Variants in TLK2 observed in about 807,000 individuals in gnomAD.
TLK2 encodes the protein tousled like kinase 2.
A neutral mutation model predicts 117.3 loss-of-function variants in TLK2; 6 were observed. That is an observed-to-expected ratio of 0.05 (90% CI 0.03 to 0.10). TLK2 has a LOEUF of 0.10. Ranked by LOEUF, TLK2 falls within the 10% of genes least tolerant of loss-of-function variation. The pLI is 1.00. For missense variants in TLK2, 299 were observed against 901.2 expected, an observed-to-expected ratio of 0.33 and a Z score of 8.56; for synonymous variants, 257 against 316.7, an observed-to-expected ratio of 0.81 and a Z score of 2.00.
intron 2 of TLK2, among the ~76,000 whole-genome samples, chr17:62,509,604 A>G (rs527709828): frequency 1.1e-4 from 17 of 152,116 alleles, no homozygotes; most frequent in Non-Finnish European, 4.4e-5. Flanking sequence ...GTGTTTAAAA[A>G]CTCAGTAATA....
At chr17:62,599,426 G>A (rs559556518) in intron 17 of TLK2, among the ~76,000 whole-genome samples, 2 of 152,102 alleles carry the variant, frequency 1.3e-5, no homozygotes, top group Non-Finnish European at 2.9e-5. Context: ...TCGCCCTTTC[G>A]CTGCTCTGTA....
At chr17:62,480,635 A>C (rs1160499991) in intron 1 of TLK2, among the ~76,000 whole-genome samples, 1 of 152,170 alleles carries the variant, frequency 6.6e-6, no homozygotes, top group Non-Finnish European at 1.5e-5. Flanking sequence ...GTGATTTTGC[A>C]GTTATTTGTA....
rs1268296748 is a variant in TLK2 at position 62,553,998 on chromosome 17, A to G, written c.720+243A>G. ...GATTGAATTTATATTGGAGAAATAG[A>G]TATGTGGAGTGTTATATTTCATCTA... On this transcript the variant is annotated intron_variant, in intron 9 of 21. Coordinates refer to ENST00000346027, the MANE Select transcript of TLK2 (RefSeq NM_006852.6). Among the ~76,000 whole-genome samples, 4 of 152,210 alleles carry G rather than the reference A, an allele frequency of 2.6e-5. No individual in the cohort carries two copies. The East Asian group carries it at 7.7e-4, about 29-fold the overall frequency.
chr17:62,530,965 A>G (rs2076700169), intron 6 of TLK2, among the ~76,000 whole-genome samples: 1 of 152,124 alleles, frequency 6.6e-6, no homozygotes, highest in African/African-American at 2.4e-5. Flanking sequence ...CTATTAAGAA[A>G]TCAGCTGTCA....
At chr17:62,478,820 C>T (rs1297622164), upstream of TLK2, among the ~76,000 whole-genome samples, 2 of 149,488 alleles carry the variant, frequency 1.3e-5, no homozygotes, top group African/African-American at 4.9e-5. Context: ...GTGTTTACAC[C>T]GATCACTACT....
At chr17:62,590,943 A>G (rs1446104532) in intron 16 of TLK2, among the ~76,000 whole-genome samples, 3 of 152,206 alleles carry the variant, frequency 2.0e-5, no homozygotes, top group Non-Finnish European at 2.9e-5. Flanking sequence ...GTGATGTGCT[A>G]TTGTATGATT....
chr17:62,533,097 T>C (rs1345420388), intron 6 of TLK2, among the ~76,000 whole-genome samples: 1 of 151,974 alleles, frequency 6.6e-6, no homozygotes, highest in African/African-American at 2.4e-5. Context: ...CCTTTGCATA[T>C]GTCTCTTTTG....
At chr17:62,533,972 T>C (rs1453184062) in intron 6 of TLK2, among the ~76,000 whole-genome samples, 1 of 152,194 alleles carries the variant, frequency 6.6e-6, no homozygotes, top group African/African-American at 2.4e-5. Flanking sequence ...GAAATGCACA[T>C]TAATCACAAC....
At chr17:62,472,961 C>A (rs569421115) in intron 1 of TLK2, among the ~76,000 whole-genome samples, 1 of 152,142 alleles carries the variant, frequency 6.6e-6, no homozygotes, top group Non-Finnish European at 1.5e-5. Flanking sequence ...GGATTTAAGA[C>A]CCCAAATTCA....
intron 10 of TLK2, among the ~76,000 whole-genome samples, chr17:62,564,749 A>G (rs2079610064): frequency 6.6e-6 from 1 of 151,460 alleles, no homozygotes; most frequent in Non-Finnish European, 1.5e-5. Flanking sequence ...CAAACAAAAA[A>G]CCCCACACAC....
At chr17:62,601,504 C>T (rs182421283) in intron 18 of TLK2, among the ~76,000 whole-genome samples, 1 of 152,196 alleles carries the variant, frequency 6.6e-6, no homozygotes, top group Admixed American at 6.5e-5. Context: ...TGTTCTAATA[C>T]AATTCAGATG....
At chr17:62,554,790 A>G (rs2078725521) in intron 9 of TLK2, among the ~76,000 whole-genome samples, 1 of 151,736 alleles carries the variant, frequency 6.6e-6, no homozygotes, top group African/African-American at 2.4e-5. Context: ...AGGTGGGAAG[A>G]TGCTTGAGCC....
intron 6 of TLK2, among the ~76,000 whole-genome samples, chr17:62,533,047 T>C (rs2076849854): frequency 6.6e-6 from 1 of 152,150 alleles, no homozygotes; most frequent in South Asian, 2.1e-4. Flanking sequence ...ATCATATGTT[T>C]AATGGCCTTT....
chr17:62,498,930 A>G (rs1244918399), intron 2 of TLK2, among the ~76,000 whole-genome samples: 3 of 152,156 alleles, frequency 2.0e-5, no homozygotes, highest in East Asian at 1.9e-4. Flanking sequence ...TGGCGCAGTC[A>G]TGGCTCTCTG....
intron 7 of TLK2, among the ~76,000 whole-genome samples, chr17:62,542,958 G>A (rs993490184): frequency 3.3e-5 from 5 of 152,126 alleles, no homozygotes; most frequent in African/African-American, 2.4e-5. Flanking sequence ...AGCGAAATTA[G>A]CATTATAACA....
intron 16 of TLK2, among the ~76,000 whole-genome samples, chr17:62,589,001 T>C (rs1001815335): frequency 2.0e-5 from 3 of 152,162 alleles, no homozygotes; most frequent in Non-Finnish European, 4.4e-5. Context: ...GACTTCCCAG[T>C]CCCATCTGGA....
At chr17:62,604,437 G>C (rs1265042089) in intron 19 of TLK2, among the ~76,000 whole-genome samples, 1 of 151,998 alleles carries the variant, frequency 6.6e-6, no homozygotes, top group African/African-American at 2.4e-5. Context: ...GCACAGTTTA[G>C]TATCATAGAG....
At chr17:62,578,717 C>A in intron 14 of TLK2, 143 bp downstream of exon 14, 1 of 601,632 alleles carries the variant, frequency 1.7e-6, no homozygotes, top group Non-Finnish European at 2.8e-6. Context: ...GCATCTAATA[C>A]AATTTTGTGA....
In TLK2 at chr17:62,522,288, G is replaced by A. The variant is rs747741987; in HGVS notation, c.223+15G>A. On this transcript the variant is annotated intron_variant, in intron 4 of 21. Coordinates refer to ENST00000346027, the MANE Select transcript of TLK2 (RefSeq NM_006852.6). ...AACTAGCCAAGGTAGTAATAATTTC[G>A]TATCAACAAAAGTACTCAATTCTAA... The A allele has an allele frequency of 1.3e-5, 21 of 1,607,104 alleles. 1 individual carries two copies. In the South Asian group the frequency reaches 1.6e-4, roughly 12 times the overall value.
Sources: allele counts gnomAD v4.1 joint callset (sites outside exome capture counted in the v4.1 genomes callset), GRCh38; gene constraint gnomAD v4.1.1; transcripts MANE v1.5; gene names NCBI Gene and HGNC (gene_info 2026-07-23, HGNC 2026-07-21).